FAM221A: variants seen among roughly 807,000 people sequenced by gnomAD.
FAM221A encodes protein FAM221A.
In FAM221A, 43 loss-of-function variants were observed where a neutral mutation model predicts 37.6. The ratio of observed to expected loss-of-function variants is 1.15; its 90% CI spans 0.90 to 1.48. FAM221A has a LOEUF of 1.48. Ranked by LOEUF, FAM221A falls within the 40% of genes most tolerant of loss-of-function variation. The probability of loss-of-function intolerance (pLI) is 0.00; values close to 1 mark genes in which losing one functional copy is unlikely to be tolerated. For synonymous variants in FAM221A, 135 were observed against 132.9 expected (o/e 1.02, Z -0.11); for missense variants, 361 against 361.5 (o/e 1.00, Z 0.01).
chr7:23,696,041 TA>T (rs1168283199), intron 4 of FAM221A, among the ~76,000 whole-genome samples: 7 of 152,196 alleles, frequency 4.6e-5, no homozygotes, highest in Admixed American at 3.3e-4. Context: ...AATGCATTGT[TA>T]GTTGATGTTC....
chr7:23,698,111 A>G lies in FAM221A; in HGVS notation c.638-81A>G, dbSNP rs1206698955. On this transcript the variant is annotated intron_variant, in intron 4 of 6. Transcript: ENST00000344962. ...TTCTAATAATTCTGCTGAGGTTCCA[A>G]TTTATTTTACATTAGAAGTAATAAC... is the stretch of plus-strand genomic sequence containing the variant. 12 of 828,054 alleles carry G rather than the reference A, an allele frequency of 1.4e-5. No individual in the cohort carries two copies. The East Asian group carries it at 3.3e-4, about 23-fold the overall frequency. 51.3% of individuals were successfully genotyped at this position (828,054 alleles called of 1,614,324 possible).
chr7:23,689,175 T>TA (rs1784555049), intron 2 of FAM221A, 94 bp from the exon 3 acceptor site: 3 of 805,666 alleles, frequency 3.7e-6, no homozygotes, highest in East Asian at 2.7e-5. Flanking sequence ...CAATAATAAT[T>TA]AAAAAATCAT....
rs574070767 is a variant in FAM221A at position 23,690,081 on chromosome 7, C to CGTT, written c.430+622_430+623insGTT. Among the ~76,000 whole-genome samples the CGTT allele has an allele frequency of 1.3e-4, 19 of 147,094 alleles. 1 individual carries two copies. The South Asian group carries it at 2.4e-3, about 18-fold the overall frequency. On this transcript the variant is annotated intron_variant, in intron 3 of 6. Transcript: ENST00000344962. ...TCTTATGGTGAAGTGTGTAATAAAA[C>CGTT]ATTTTTAATGACAGTGGCAGGAATA... is the stretch of plus-strand genomic sequence containing the variant.
intron 5 of FAM221A, among the ~76,000 whole-genome samples, chr7:23,700,334 C>A (rs1452469902): frequency 6.6e-6 from 1 of 152,160 alleles, no homozygotes; most frequent in Admixed American, 6.5e-5. Flanking sequence ...GTGCTTGATC[C>A]ATTTGACAAA....
rs1419777124 is a variant in FAM221A at position 23,698,084 on chromosome 7, A to G, written c.638-108A>G. ...CTAAAATTTTTTTTTTATAGAAAGA[A>G]TTTCTAATAATTCTGCTGAGGTTCC... On this transcript the variant is annotated intron_variant, in intron 4 of 6. Transcript: ENST00000344962. The G allele has an allele frequency of 7.3e-6, 5 of 682,348 alleles. No homozygotes were observed. The Admixed American group carries it at 1.6e-4, about 21-fold the overall frequency. The allele number at this position is 682,348 out of a possible 1,614,324, so 42.3% of individuals were successfully genotyped here. A position where few individuals can be genotyped will look rare whatever the true frequency, so the allele number is the denominator to read the frequency against.
At chr7:23,685,674 C>T (rs1784329567) in intron 2 of FAM221A, among the ~76,000 whole-genome samples, 1 of 152,200 alleles carries the variant, frequency 6.6e-6, no homozygotes, top group Admixed American at 6.5e-5. Flanking sequence ...AACAAACAAG[C>T]ACACTGCTTT....
chr7:23,681,777 C>G (rs1015870875), intron 1 of FAM221A, among the ~76,000 whole-genome samples: 12 of 152,168 alleles, frequency 7.9e-5, no homozygotes, highest in African/African-American at 2.9e-4. Context: ...AGGTCCTTTA[C>G]TGACGTCAGA....
chr7:23,683,623 C>T (rs1231546864), intron 1 of FAM221A, among the ~76,000 whole-genome samples: 1 of 152,146 alleles, frequency 6.6e-6, no homozygotes, highest in South Asian at 2.1e-4. Context: ...GTTGATAAAC[C>T]TGGATCAGTA....
intron 4 of FAM221A, among the ~76,000 whole-genome samples, chr7:23,697,749 T>C (rs1330215515): frequency 6.6e-6 from 1 of 152,164 alleles, no homozygotes; most frequent in African/African-American, 2.4e-5. Flanking sequence ...ACTTTATATG[T>C]CAGACAAAAA....
At chr7:23,686,267 C>CTTTTT in intron 2 of FAM221A, 4 of 390,428 alleles carry the variant, frequency 1.0e-5, no homozygotes, top group Admixed American at 8.9e-5. Flanking sequence ...TCCAACTCAA[C>CTTTTT]TTTTTTTTTT....
At chr7:23,700,357 A>G (rs967386255) in intron 5 of FAM221A, among the ~76,000 whole-genome samples, 1 of 152,236 alleles carries the variant, frequency 6.6e-6, no homozygotes, top group African/African-American at 2.4e-5. Flanking sequence ...GATTACCGTA[A>G]AAAATGGATA....
intron 1 of FAM221A, 127 bp downstream of exon 1, chr7:23,680,410 G>C (rs781686577): frequency 4.2e-5 from 29 of 692,622 alleles, no homozygotes; most frequent in Non-Finnish European, 5.5e-5. Context: ...GGGCTGTTGG[G>C]GGAGGCCTAG....
At chr7:23,700,582 T>C (rs973829395) in intron 5 of FAM221A, among the ~76,000 whole-genome samples, 1 of 152,234 alleles carries the variant, frequency 6.6e-6, no homozygotes, top group African/African-American at 2.4e-5. Flanking sequence ...ATTTGGAGAA[T>C]GTTTGCTAGT....
intron 4 of FAM221A, among the ~76,000 whole-genome samples, chr7:23,697,235 G>C (rs1240897636): frequency 6.6e-6 from 1 of 152,230 alleles, no homozygotes; most frequent in African/African-American, 2.4e-5. Flanking sequence ...GGGGCCAGGA[G>C]CGGGGAGAGA....
intron 4 of FAM221A, among the ~76,000 whole-genome samples, chr7:23,696,120 CATGGT>C (rs1441666804): frequency 6.6e-6 from 1 of 152,212 alleles, no homozygotes; most frequent in Non-Finnish European, 1.5e-5. Flanking sequence ...CACCTAGCTA[CATGGT>C]ATAGCCTTTT....
intron 1 of FAM221A, among the ~76,000 whole-genome samples, chr7:23,681,905 C>T (rs1247112845): frequency 6.6e-6 from 1 of 151,998 alleles, no homozygotes; most frequent in East Asian, 1.9e-4. Flanking sequence ...ACTTTCCTTC[C>T]GAAGAGTTTT....
At chr7:23,692,169 C>T (rs34579167) in intron 4 of FAM221A, 423,854 of 959,206 alleles carry the variant, frequency 0.44, 96,285 homozygotes, top group South Asian at 0.61. Context: ...AGGATCTATT[C>T]TAAACTATTA....
At chr7:23,687,547 G>T (rs1442613550) in intron 2 of FAM221A, 3 of 151,238 alleles carry the variant, frequency 2.0e-5, no homozygotes, top group Non-Finnish European at 4.4e-5. Context: ...TTTTCTTAGG[G>T]TATATTTTCC....
intron 5 of FAM221A, among the ~76,000 whole-genome samples, chr7:23,700,567 G>A (rs1467101231): frequency 1.3e-5 from 2 of 152,104 alleles, no homozygotes; most frequent in Non-Finnish European, 2.9e-5. Flanking sequence ...TATGAACTGT[G>A]GAATATTTGG....
Sources: allele counts gnomAD v4.1 joint callset (sites outside exome capture counted in the v4.1 genomes callset), GRCh38; gene constraint gnomAD v4.1.1; transcripts MANE v1.5; gene names NCBI Gene and HGNC (gene_info 2026-07-23, HGNC 2026-07-21).